Variants in CLOCK observed in about 807,000 individuals in gnomAD.
The protein encoded by CLOCK is clock circadian regulator.
CLOCK carries 43 observed loss-of-function variants against 118.4 expected under a neutral mutation model. The ratio of observed to expected loss-of-function variants is 0.36; its 90% confidence interval spans 0.28 to 0.47. The LOEUF (loss-of-function observed/expected upper bound fraction) is 0.47. CLOCK is among the 20% of genes least tolerant of loss of function. CLOCK has a pLI of 1.00. For missense variants in CLOCK, 846 were observed against 999.9 expected, an observed-to-expected ratio of 0.85 and a Z score of 2.08; for synonymous variants, 326 against 339.2, an observed-to-expected ratio of 0.96 and a Z score of 0.43.
At chr4:55,507,958 C>T (rs926032674) in intron 2 of CLOCK, among the ~76,000 whole-genome samples, 15 of 152,046 alleles carry the variant, frequency 9.9e-5, no homozygotes, top group Non-Finnish European at 1.9e-4. Flanking sequence ...ATTAGTTTTC[C>T]CTAATTTGGA....
intron 3 of CLOCK, among the ~76,000 whole-genome samples, chr4:55,485,345 G>A (rs1174184648): frequency 6.6e-6 from 1 of 152,176 alleles, no homozygotes; most frequent in Admixed American, 6.5e-5. Flanking sequence ...AGGGAAAGGA[G>A]TAAGTAAAAT....
At position 55,511,719 on chromosome 4, in the gene CLOCK, G is replaced by A. The variant is rs976017716; in HGVS notation, c.-289-1654C>T. Among the ~76,000 whole-genome samples the A allele has an allele frequency of 4.6e-5, 7 of 152,138 alleles. No individual in the cohort carries two copies. The East Asian group carries it at 9.7e-4, about 21-fold the overall frequency. On this transcript the variant is annotated intron_variant, in intron 1 of 22. Coordinates refer to ENST00000513440, the MANE Select transcript of CLOCK (RefSeq NM_004898.4). ...CATGCATCCACTATCATATCACACCGAATAGTTTCATCGGCCTAAAAGCCC... is the reference window on the plus strand; with the variant it reads ...CATGCATCCACTATCATATCACACCAAATAGTTTCATCGGCCTAAAAGCCC...
intron 7 of CLOCK, among the ~76,000 whole-genome samples, chr4:55,475,046 C>G (rs1355244043): frequency 6.6e-6 from 1 of 152,150 alleles, no homozygotes; most frequent in Non-Finnish European, 1.5e-5. Context: ...TGTGATGGAT[C>G]TGGGCAAAGT....
rs149955144 is a variant in CLOCK, at chr4:55,446,451, T to C, written c.1540-1666A>G. On this transcript the variant is annotated intron_variant, in intron 18 of 22. Transcript: ENST00000513440. ...GTATCAATTTCTGTCATCCCTAGAA[T>C]GCCCTCTATGTGTACATGAGTAGAA... 3.4e-3 allele frequency among the ~76,000 whole-genome samples: 515 copies of C among 152,298 alleles called. 2 individuals are homozygous for C. Among genetic ancestry groups the C allele is most frequent in the African/African-American group, 0.011 (471 of 41,558 alleles).
intron 2 of CLOCK, among the ~76,000 whole-genome samples, chr4:55,506,905 G>T (rs1728839760): frequency 6.6e-6 from 1 of 152,080 alleles, no homozygotes; most frequent in Non-Finnish European, 1.5e-5. Flanking sequence ...AGGTTTCCAG[G>T]TTTCTTTGAG....
chr4:55,463,321 T>C (rs1725503090), intron 9 of CLOCK, among the ~76,000 whole-genome samples: 2 of 152,010 alleles, frequency 1.3e-5, no homozygotes, highest in South Asian at 2.1e-4. Flanking sequence ...GTCCAATTGG[T>C]TAACAATGGT....
At chr4:55,541,075 G>A (rs1731241316) in intron 1 of CLOCK, among the ~76,000 whole-genome samples, 1 of 152,152 alleles carries the variant, frequency 6.6e-6, no homozygotes, top group South Asian at 2.1e-4. Flanking sequence ...TTACATCTCT[G>A]TGAAATATCC....
At position 55,482,822 on chromosome 4, in the gene CLOCK, ACTTCTCCTT is replaced by A; in HGVS notation, c.-43-3_-38del. The A allele has an allele frequency of 6.7e-7, 1 of 1,488,234 alleles. No individual in the cohort carries two copies. The highest frequency in any genetic ancestry group is 9.3e-7 in the Non-Finnish European group (1 of 1,072,624). The allele number at this position is 1,488,234 out of a possible 1,614,324, so 92.2% of individuals were successfully genotyped here. On this transcript the variant is annotated splice_acceptor_variant and splice_polypyrimidine_tract_variant and 5_prime_UTR_variant and intron_variant, in exon 4 of 23. Coordinates refer to ENST00000513440, the MANE Select transcript of CLOCK (RefSeq NM_004898.4). LOFTEE classifies it low-confidence loss of function (5UTR_SPLICE). The stretch of plus-strand genomic sequence containing the variant: ...TTTTCGTCTTGTAGTAGACATTTGT[ACTTCTCCTT>A]AGGTGAAAAGAAAAATAAATGGTCA...
intron 2 of CLOCK, among the ~76,000 whole-genome samples, chr4:55,495,846 T>G (rs1014964890): frequency 6.6e-6 from 1 of 152,014 alleles, no homozygotes; most frequent in African/African-American, 2.4e-5. Flanking sequence ...TGGGATAGCA[T>G]GTGATCCACC....
intron 1 of CLOCK, among the ~76,000 whole-genome samples, chr4:55,546,316 G>A (rs915966200): frequency 3.3e-5 from 5 of 152,214 alleles, no homozygotes; most frequent in Non-Finnish European, 7.4e-5. Flanking sequence ...AGCTGCCCCA[G>A]AGGGCCTCTC....
At chr4:55,440,868 CAA>C (rs1723311012) in intron 21 of CLOCK, among the ~76,000 whole-genome samples, 1 of 152,138 alleles carries the variant, frequency 6.6e-6, no homozygotes, top group Non-Finnish European at 1.5e-5. Context: ...AAGCCAAGCT[CAA>C]GTCTTGAAGA....
rs918070725 is a variant in CLOCK, at chr4:55,430,280, T to C, written c.*5135A>G. On this transcript the variant is annotated 3_prime_UTR_variant, in exon 23 of 23. Transcript: ENST00000513440. ...AACTATATCCTATTCCACTAAATAA[T>C]GTTTCCCTGAGGAAACCCAGGCAGC... 7 of 152,310 alleles carry C rather than the reference T, an allele frequency of 4.6e-5. No individual in the cohort carries two copies. Among genetic ancestry groups the C allele is most frequent in the African/African-American group, 1.7e-4 (7 of 41,564 alleles). 9.4% of individuals were successfully genotyped at this position (152,310 alleles called of 1,614,324 possible).
chr4:55,523,797 A>C (rs1043232797), intron 1 of CLOCK, among the ~76,000 whole-genome samples: 1 of 151,934 alleles, frequency 6.6e-6, no homozygotes, highest in Non-Finnish European at 1.5e-5. Context: ...TTGCAATTTC[A>C]TCATAAAAAA....
At chr4:55,452,636 C>A in intron 15 of CLOCK, 1 of 182,670 alleles carries the variant, frequency 5.5e-6, no homozygotes, top group Non-Finnish European at 1.2e-5. Flanking sequence ...AAAAAGAAAC[C>A]AGAGTTCCAA....
At position 55,479,078 on chromosome 4, in the gene CLOCK, A is replaced by G; in HGVS notation, c.108-115T>C. The G allele has an allele frequency of 4.7e-6, 4 of 854,982 alleles. No homozygotes were observed. In the East Asian group the frequency reaches 1.1e-4, roughly 24 times the overall value. 53.0% of individuals were successfully genotyped at this position (854,982 alleles called of 1,614,324 possible). A position where few individuals can be genotyped will look rare whatever the true frequency, so the allele number is the denominator to read the frequency against. ...TGTACTTCTATCAACATAGATGGTA[A>G]CAAATATCTTCCAGGTTACCAATAT... On this transcript the variant is annotated intron_variant, in intron 5 of 22. Transcript: ENST00000513440.
chr4:55,498,435 T>C (rs897870122), intron 2 of CLOCK, among the ~76,000 whole-genome samples: 2 of 152,150 alleles, frequency 1.3e-5, no homozygotes, highest in Non-Finnish European at 2.9e-5. Flanking sequence ...GCATGTCTTC[T>C]TCACTAAAAT....
In CLOCK at chr4:55,430,758, C is replaced by G. The variant is rs536603494; in HGVS notation, c.*4657G>C. 6.6e-6 allele frequency: 1 copy of G among 152,156 alleles called. No homozygotes were observed. The highest frequency in any genetic ancestry group is 1.5e-5 in the Non-Finnish European group (1 of 68,024). The allele number at this position is 152,156 out of a possible 1,614,324, so 9.4% of individuals were successfully genotyped here. ...ACTAGCAATCACTTTTAGATTAGTT[C>G]TGTACATCTACTCACACGGATGCAA... On this transcript the variant is annotated 3_prime_UTR_variant, in exon 23 of 23. Transcript: ENST00000513440.
intron 18 of CLOCK, among the ~76,000 whole-genome samples, chr4:55,446,086 A>G (rs552410793): frequency 6.8e-6 from 1 of 146,148 alleles, no homozygotes; most frequent in Admixed American, 7.2e-5. Flanking sequence ...CACTTACTGG[A>G]AAAAAATTTA....
chr4:55,501,662 G>A (rs1057004458), intron 2 of CLOCK: 5 of 152,036 alleles, frequency 3.3e-5, no homozygotes, highest in African/African-American at 9.7e-5. Flanking sequence ...AATCTGTAAC[G>A]GACTGTGAAC....
Sources: gnomAD v4.1 joint callset for allele counts (sites outside exome capture counted in the v4.1 genomes callset) on GRCh38, gnomAD v4.1.1 for gene constraint, MANE v1.5 for transcripts, NCBI Gene and HGNC (gene_info 2026-07-23, HGNC 2026-07-21) for gene names.